The following CNOT6 variants were observed in gnomAD, a reference collection of about 807,000 sequenced individuals.
CNOT6 encodes carbon catabolite repression 4 protein.
In CNOT6, 12 loss-of-function variants were observed where a neutral mutation model predicts 61.2. That is an observed-to-expected ratio of 0.20 (90% confidence interval 0.13 to 0.32). The LOEUF (loss-of-function observed/expected upper bound fraction) is 0.32, where lower values mean the gene tolerates loss of function less well. Among genes scored for constraint, CNOT6 ranks in the 10% least tolerant of loss-of-function variants. The probability of loss-of-function intolerance (pLI) is 1.00; values close to 1 mark genes in which losing one functional copy is unlikely to be tolerated. For missense variants in CNOT6, 405 were observed against 663.9 expected, an observed-to-expected ratio of 0.61 and a Z score of 4.28; for synonymous variants, 225 against 240.6, an observed-to-expected ratio of 0.94 and a Z score of 0.60.
chr5:180,516,955 A>G (rs17630822), intron 1 of CNOT6, among the ~76,000 whole-genome samples: 10,889 of 152,242 alleles, frequency 0.072, 402 homozygotes, highest in East Asian at 0.1. Flanking sequence ...CACCACATCA[A>G]GAGACCCCAA....
At chr5:180,509,584 T>G (rs1757287618) in intron 1 of CNOT6, among the ~76,000 whole-genome samples, 1 of 136,520 alleles carries the variant, frequency 7.3e-6, no homozygotes, top group African/African-American at 2.6e-5. Context: ...ACCTGGCTAA[T>G]TTTTTTTTTT....
chr5:180,501,971 A>G (rs1397150658), intron 1 of CNOT6, among the ~76,000 whole-genome samples: 3 of 152,158 alleles, frequency 2.0e-5, no homozygotes, highest in Admixed American at 2.0e-4. Flanking sequence ...TAAGTCAGAT[A>G]GTAGATTGGG....
At chr5:180,557,740 T>C (rs1274676675) in intron 4 of CNOT6, among the ~76,000 whole-genome samples, 1 of 152,236 alleles carries the variant, frequency 6.6e-6, no homozygotes, top group Non-Finnish European at 1.5e-5. Context: ...CTGTGGATCC[T>C]GATTCTTGTT....
chr5:180,557,428 G>T (rs994153946), intron 4 of CNOT6, among the ~76,000 whole-genome samples: 1 of 152,096 alleles, frequency 6.6e-6, no homozygotes, highest in African/African-American at 2.4e-5. Context: ...TAGCCATTCT[G>T]GTAGATGTGT....
chr5:180,516,776 C>T (rs896528983), intron 1 of CNOT6, among the ~76,000 whole-genome samples: 6 of 152,178 alleles, frequency 3.9e-5, no homozygotes, highest in African/African-American at 1.4e-4. Context: ...CCTTAATTCT[C>T]TTCAAATCTA....
intron 2 of CNOT6, among the ~76,000 whole-genome samples, chr5:180,548,454 GTTCTC>G (rs767935095): frequency 1.3e-5 from 2 of 152,240 alleles, no homozygotes; most frequent in Admixed American, 6.5e-5. Flanking sequence ...ACTTCTCTCT[GTTCTC>G]TTCTCTTCTC....
At chr5:180,571,764 C>T (rs1158978191) in intron 11 of CNOT6, among the ~76,000 whole-genome samples, 1 of 152,110 alleles carries the variant, frequency 6.6e-6, no homozygotes, top group African/African-American at 2.4e-5. Flanking sequence ...TGGGGTCTCG[C>T]TATGCCCAGG....
chr5:180,519,656 G>A (rs1757794788), intron 1 of CNOT6, among the ~76,000 whole-genome samples: 1 of 151,934 alleles, frequency 6.6e-6, no homozygotes, highest in Non-Finnish European at 1.5e-5. Context: ...TCACTATAGG[G>A]GCAAAATGTT....
chr5:180,551,182 A>C (rs1369408177), intron 3 of CNOT6, among the ~76,000 whole-genome samples: 3 of 134,002 alleles, frequency 2.2e-5, no homozygotes, highest in South Asian at 2.4e-4. Context: ...TGGTCTCTAC[A>C]AAAAAAAAAA....
intron 1 of CNOT6, among the ~76,000 whole-genome samples, chr5:180,519,855 A>T (rs1757806015): frequency 6.7e-6 from 1 of 149,256 alleles, no homozygotes; most frequent in African/African-American, 2.5e-5. Context: ...TTTTCCCTGA[A>T]AAGGAATCTC....
intron 1 of CNOT6, among the ~76,000 whole-genome samples, chr5:180,527,104 G>C (rs1439884859): frequency 6.6e-6 from 1 of 151,846 alleles, no homozygotes; most frequent in Non-Finnish European, 1.5e-5. Flanking sequence ...CAAACTCCTG[G>C]GCCCAAGCCT....
intron 2 of CNOT6, among the ~76,000 whole-genome samples, chr5:180,547,015 A>T (rs1759349318): frequency 6.6e-6 from 1 of 152,170 alleles, no homozygotes; most frequent in Non-Finnish European, 1.5e-5. Flanking sequence ...CAATGTTTTA[A>T]ATTTTGTACG....
Position 180,571,448 on chromosome 5 carries a change from G to C in CNOT6, c.1461+16G>C. ...TGATTTCAAGGTGTGTCTTGAGACTGATAAGCTTTTCAAACCTGTCTTTTA... is the reference window on the plus strand; with the variant it reads ...TGATTTCAAGGTGTGTCTTGAGACTCATAAGCTTTTCAAACCTGTCTTTTA... On this transcript the variant is annotated intron_variant, in intron 11 of 11. Transcript: ENST00000261951. 6.2e-7 allele frequency: 1 copy of C among 1,601,658 alleles called. No individual in the cohort carries two copies. Among genetic ancestry groups the C allele is most frequent in the Non-Finnish European group, 8.6e-7 (1 of 1,169,242 alleles).
intron 3 of CNOT6, among the ~76,000 whole-genome samples, chr5:180,550,575 T>C (rs184266228): frequency 1.4e-4 from 21 of 152,338 alleles, no homozygotes; most frequent in African/African-American, 5.1e-4. Flanking sequence ...TTGGGAAAAT[T>C]GAATGTCAGC....
At chr5:180,535,877 G>T (rs887590105) in intron 2 of CNOT6, among the ~76,000 whole-genome samples, 4 of 150,020 alleles carry the variant, frequency 2.7e-5, no homozygotes, top group Non-Finnish European at 5.9e-5. Flanking sequence ...TTTCATTGTG[G>T]TTTTAATTTG....
chr5:180,569,676 T>A (rs1356280251), intron 10 of CNOT6, among the ~76,000 whole-genome samples: 1 of 152,230 alleles, frequency 6.6e-6, no homozygotes, highest in Non-Finnish European at 1.5e-5. Flanking sequence ...TTCCAGCGTG[T>A]GGTAATATAA....
chr5:180,577,933 A>T lies in CNOT6; in HGVS notation c.*3733A>T, dbSNP rs1022619273. On this transcript the variant is annotated 3_prime_UTR_variant, in exon 12 of 12. Transcript: ENST00000261951. ...TTTTTCTTTACCGATGTATTTTCCT[A>T]CTCATAGCCAACCAATAAATTCAGT... is the stretch of plus-strand genomic sequence containing the variant. The T allele has an allele frequency of 6.6e-6, 1 of 152,562 alleles. No homozygotes were observed. Among genetic ancestry groups the T allele is most frequent in the African/African-American group, 2.4e-5 (1 of 41,428 alleles). The allele number at this position is 152,562 out of a possible 1,614,324, so 9.5% of individuals were successfully genotyped here. A position where few individuals can be genotyped will look rare whatever the true frequency, so the allele number is the denominator to read the frequency against.
Position 180,552,506 on chromosome 5 carries a change from T to C in CNOT6, c.300-880T>C, listed in dbSNP as rs559708720. ...AATACAAAAAAAAAAATTAGCTGGG[T>C]GTGGTGGCAGGCACCTGTAGTCCCA... On this transcript the variant is annotated intron_variant, in intron 3 of 11. Transcript: ENST00000261951. Among the ~76,000 whole-genome samples, 156 of 150,202 alleles carry C rather than the reference T, an allele frequency of 1.0e-3. 1 individual carries two copies. Among genetic ancestry groups the C allele is most frequent in the South Asian group, 3.6e-3 (17 of 4,768 alleles).
intron 1 of CNOT6, among the ~76,000 whole-genome samples, chr5:180,519,872 T>A (rs2127712397): frequency 6.6e-6 from 1 of 151,870 alleles, no homozygotes; most frequent in Non-Finnish European, 1.5e-5. Flanking sequence ...TCTCGCTCTA[T>A]TGCCTAGCTG....
Sources: allele counts gnomAD v4.1 joint callset (sites outside exome capture counted in the v4.1 genomes callset), GRCh38; gene constraint gnomAD v4.1.1; transcripts MANE v1.5; gene names NCBI Gene and HGNC (gene_info 2026-07-23, HGNC 2026-07-21).